Variants in CACNA2D2 observed in about 807,000 individuals in gnomAD.
The protein encoded by CACNA2D2 is calcium voltage-gated channel auxiliary subunit alpha2delta 2.
A neutral mutation model predicts 166.4 loss-of-function variants in CACNA2D2; 48 were observed. That is an observed-to-expected ratio of 0.29 (90% CI 0.23 to 0.37). The LOEUF is 0.37. Among genes scored for constraint, CACNA2D2 ranks in the 10% least tolerant of loss-of-function variants. CACNA2D2 has a pLI of 1.00. For synonymous variants in CACNA2D2, 561 were observed against 573.7 expected, an observed-to-expected ratio of 0.98 and a Z score of 0.32; for missense variants, 1,122 against 1,433.0, an observed-to-expected ratio of 0.78 and a Z score of 3.50.
chr3:50,371,202 C>T (rs917827028), intron 22 of CACNA2D2, among the ~76,000 whole-genome samples: 5 of 152,120 alleles, frequency 3.3e-5, no homozygotes, highest in African/African-American at 1.2e-4. Context: ...TGGGTCTCCA[C>T]CCTTCCTAAA....
chr3:50,403,002 G>A (rs981317758), intron 3 of CACNA2D2, among the ~76,000 whole-genome samples: 2 of 152,136 alleles, frequency 1.3e-5, no homozygotes, highest in African/African-American at 4.8e-5. Flanking sequence ...GATATGTGTG[G>A]GCACGGGGGT....
chr3:50,473,960 C>T (rs933959291), intron 2 of CACNA2D2, among the ~76,000 whole-genome samples: 12 of 152,228 alleles, frequency 7.9e-5, no homozygotes, highest in East Asian at 1.9e-4. Flanking sequence ...CAGGAGAAGC[C>T]GGGGATGCCA....
At chr3:50,399,656 G>A (rs578176504) in intron 3 of CACNA2D2, among the ~76,000 whole-genome samples, 7 of 152,266 alleles carry the variant, frequency 4.6e-5, no homozygotes, top group African/African-American at 1.7e-4. Flanking sequence ...TTTCACAGCC[G>A]AGGGGATTGA....
intron 2 of CACNA2D2, among the ~76,000 whole-genome samples, chr3:50,468,440 T>G (rs1047639913): frequency 7.6e-5 from 11 of 143,966 alleles, no homozygotes; most frequent in African/African-American, 1.8e-4. Flanking sequence ...TGTGTGTGTG[T>G]GGCTTTAGGA....
At chr3:50,431,163 G>C (rs548215801) in intron 3 of CACNA2D2, among the ~76,000 whole-genome samples, 3 of 152,236 alleles carry the variant, frequency 2.0e-5, no homozygotes, top group Admixed American at 2.0e-4. Flanking sequence ...TGGGGGGTGG[G>C]GGTCCAGTCC....
At chr3:50,465,061 C>T (rs1709769544) in intron 2 of CACNA2D2, among the ~76,000 whole-genome samples, 1 of 152,232 alleles carries the variant, frequency 6.6e-6, no homozygotes, top group South Asian at 2.1e-4. Context: ...AGTCCATACT[C>T]CTGCTGGGCC....
chr3:50,411,015 T>C (rs1217188976), intron 3 of CACNA2D2, among the ~76,000 whole-genome samples: 1 of 152,128 alleles, frequency 6.6e-6, no homozygotes, highest in Non-Finnish European at 1.5e-5. Context: ...AACTTTAACA[T>C]CCAGAACTCC....
chr3:50,458,805 T>C (rs1199571536), intron 2 of CACNA2D2, among the ~76,000 whole-genome samples: 1 of 152,226 alleles, frequency 6.6e-6, no homozygotes, highest in African/African-American at 2.4e-5. Flanking sequence ...CTAGCAGCAA[T>C]GGGTTAATGC....
Position 50,382,646 on chromosome 3 carries a change from T to C in CACNA2D2, c.653-1520A>G, listed in dbSNP as rs1169933230. ...GTTCCTAATTTAGAAACTTAGTGAGTTGAACAATTTCTATTTTTCTCTCTA... is the reference window on the plus strand; with the variant it reads ...GTTCCTAATTTAGAAACTTAGTGAGCTGAACAATTTCTATTTTTCTCTCTA... On this transcript the variant is annotated intron_variant, in intron 6 of 37. Coordinates refer to ENST00000424201, the MANE Select transcript of CACNA2D2 (RefSeq NM_006030.4). Among the ~76,000 whole-genome samples the C allele has an allele frequency of 2.0e-5, 3 of 152,174 alleles. No individual in the cohort carries two copies. The South Asian group carries it at 6.2e-4, about 31-fold the overall frequency.
At chr3:50,470,412 C>T (rs1478621775) in intron 2 of CACNA2D2, among the ~76,000 whole-genome samples, 1 of 152,148 alleles carries the variant, frequency 6.6e-6, no homozygotes, top group Non-Finnish European at 1.5e-5. Context: ...ACAGGCATCC[C>T]AGGACAGTCC....
chr3:50,364,815 A>T lies in CACNA2D2; in HGVS notation c.3292-9T>A, dbSNP rs1238395665. 2 of 1,612,268 alleles carry T rather than the reference A, an allele frequency of 1.2e-6. No individual in the cohort carries two copies. Among genetic ancestry groups the T allele is most frequent in the Non-Finnish European group, 1.7e-6 (2 of 1,179,614 alleles). Reference sequence around the variant, plus strand: ...CAGTCTGAGGTATCTTCCTGCGGGGAGAGACAAGGAGCTGGTCGGCCTGGG... The same window carrying T: ...CAGTCTGAGGTATCTTCCTGCGGGGTGAGACAAGGAGCTGGTCGGCCTGGG... On this transcript the variant is annotated splice_polypyrimidine_tract_variant and intron_variant, in intron 37 of 37. Transcript: ENST00000424201.
At chr3:50,492,622 T>C (rs1294241032) in intron 1 of CACNA2D2, among the ~76,000 whole-genome samples, 1 of 152,182 alleles carries the variant, frequency 6.6e-6, no homozygotes, top group Non-Finnish European at 1.5e-5. Flanking sequence ...GGGGCTGTTC[T>C]ACTGGGAGGG....
intron 1 of CACNA2D2, among the ~76,000 whole-genome samples, chr3:50,479,591 AC>A (rs1697954938): frequency 6.6e-6 from 1 of 152,138 alleles, no homozygotes; most frequent in African/African-American, 2.4e-5. Context: ...TTGACTATGC[AC>A]CTGCACTGTT....
chr3:50,450,580 G>A (rs1171598700), intron 2 of CACNA2D2, among the ~76,000 whole-genome samples: 1 of 152,208 alleles, frequency 6.6e-6, no homozygotes, highest in Non-Finnish European at 1.5e-5. Context: ...AGGCGGAGGT[G>A]ACATTCAGCG....
chr3:50,478,823 TG>T (rs1455151134), intron 1 of CACNA2D2, among the ~76,000 whole-genome samples: 4 of 152,302 alleles, frequency 2.6e-5, no homozygotes, highest in South Asian at 4.2e-4. Context: ...TAGGTCATGG[TG>T]GGAATATTTA....
intron 3 of CACNA2D2, among the ~76,000 whole-genome samples, chr3:50,431,395 G>A (rs918793020): frequency 6.6e-6 from 1 of 152,194 alleles, no homozygotes; most frequent in Non-Finnish European, 1.5e-5. Flanking sequence ...AGCAGGAGGA[G>A]TTCACTGCCC....
chr3:50,378,468 T>G (rs977143586), intron 13 of CACNA2D2, 135 bp from the exon 14 acceptor site: 11 of 856,576 alleles, frequency 1.3e-5, no homozygotes, highest in Non-Finnish European at 2.1e-5. Context: ...CCTCTCCCTC[T>G]AGTGCTCCCG....
chr3:50,387,235 A>G (rs1400200475), intron 5 of CACNA2D2, among the ~76,000 whole-genome samples: 1 of 152,162 alleles, frequency 6.6e-6, no homozygotes, highest in Non-Finnish European at 1.5e-5. Context: ...GCCCACCTCC[A>G]GGAAGCCTTC....
intron 3 of CACNA2D2, among the ~76,000 whole-genome samples, chr3:50,401,823 C>CT (rs1251946685): frequency 6.6e-6 from 1 of 152,072 alleles, no homozygotes; most frequent in Non-Finnish European, 1.5e-5. Flanking sequence ...ATTCTCCTGC[C>CT]TCAGCCTCCC....
Sources: gnomAD v4.1 joint callset for allele counts (sites outside exome capture counted in the v4.1 genomes callset) on GRCh38, gnomAD v4.1.1 for gene constraint, MANE v1.5 for transcripts, NCBI Gene and HGNC (gene_info 2026-07-23, HGNC 2026-07-21) for gene names.